Variants in NRG3 observed in about 807,000 individuals in gnomAD.
NRG3 encodes pro-neuregulin-3, membrane-bound isoform.
In NRG3, 31 loss-of-function variants were observed where a neutral mutation model predicts 66.9. The observed-to-expected ratio is 0.46, with a 90% CI of 0.35 to 0.63. NRG3 has a LOEUF of 0.63. Ranked by LOEUF, NRG3 falls within the 20% of genes least tolerant of loss-of-function variation. The pLI is 0.00. For synonymous variants in NRG3, 393 were observed against 359.4 expected, an observed-to-expected ratio of 1.09 and a Z score of -1.06; for missense variants, 910 against 878.9, an observed-to-expected ratio of 1.04 and a Z score of -0.45.
intron 3 of NRG3, among the ~76,000 whole-genome samples, chr10:82,833,831 C>A (rs188484464): frequency 1.3e-5 from 2 of 152,186 alleles, no homozygotes; most frequent in Admixed American, 1.3e-4. Flanking sequence ...AAAGAGTGAG[C>A]AGCTGAAATT....
intron 2 of NRG3, among the ~76,000 whole-genome samples, chr10:82,565,396 A>G (rs2045334755): frequency 6.6e-6 from 1 of 152,082 alleles, no homozygotes; most frequent in African/African-American, 2.4e-5. Flanking sequence ...TTAATAGATA[A>G]TTGGAAAAAT....
chr10:82,019,735 A>G (rs1368768208), intron 1 of NRG3, among the ~76,000 whole-genome samples: 3 of 152,066 alleles, frequency 2.0e-5, no homozygotes, highest in African/African-American at 7.2e-5. Context: ...AGAGGTGTTT[A>G]TAGTATTCTC....
chr10:82,083,684 TC>T (rs2065535351), intron 1 of NRG3, among the ~76,000 whole-genome samples: 1 of 149,816 alleles, frequency 6.7e-6, no homozygotes, highest in South Asian at 2.2e-4. Context: ...AACCTCCACC[TC>T]CTAGGTTCGA....
chr10:82,544,962 G>A (rs2043794860), intron 2 of NRG3, among the ~76,000 whole-genome samples: 1 of 152,086 alleles, frequency 6.6e-6, no homozygotes, highest in Non-Finnish European at 1.5e-5. Context: ...TGCAGCAATC[G>A]AGGACTGTAT....
At chr10:81,925,381 A>G (rs1846665911) in intron 1 of NRG3, among the ~76,000 whole-genome samples, 1 of 152,204 alleles carries the variant, frequency 6.6e-6, no homozygotes, top group Non-Finnish European at 1.5e-5. Context: ...TTCCAAAGCA[A>G]GGGTTTGAAT....
In NRG3 at chr10:82,965,558, A is replaced by C. The variant is rs190854571; in HGVS notation, c.1284+6483A>C. ...TGAGACCAGCCTGCCCAACATGGTG[A>C]AACCTTGACCCTACTAAAAATCCAA... On this transcript the variant is annotated intron_variant, in intron 6 of 8. Transcript: ENST00000372141. 7.4e-4 allele frequency among the ~76,000 whole-genome samples: 112 copies of C among 152,254 alleles called. 1 individual carries two copies. Among genetic ancestry groups the C allele is most frequent in the African/African-American group, 2.4e-3 (101 of 41,556 alleles).
chr10:82,624,683 A>G (rs753151237), intron 2 of NRG3, among the ~76,000 whole-genome samples: 20 of 149,364 alleles, frequency 1.3e-4, no homozygotes, highest in Admixed American at 9.4e-4. Flanking sequence ...ACCATTAAAT[A>G]TATGTATACA....
intron 1 of NRG3, among the ~76,000 whole-genome samples, chr10:82,151,984 C>A (rs955323238): frequency 6.6e-6 from 1 of 152,248 alleles, no homozygotes; most frequent in South Asian, 2.1e-4. Context: ...ATATAAAATA[C>A]GTTAGCATAA....
At chr10:82,926,392 T>C (rs1437769573) in intron 4 of NRG3, among the ~76,000 whole-genome samples, 1 of 152,212 alleles carries the variant, frequency 6.6e-6, no homozygotes, top group Non-Finnish European at 1.5e-5. Context: ...TGCTATATTG[T>C]GATGAAGTTC....
chr10:82,401,923 T>C (rs2136061445), intron 2 of NRG3, among the ~76,000 whole-genome samples: 1 of 152,228 alleles, frequency 6.6e-6, no homozygotes, highest in Non-Finnish European at 1.5e-5. Flanking sequence ...GATGTTCTAT[T>C]GCTTTATTGG....
intron 1 of NRG3, among the ~76,000 whole-genome samples, chr10:82,083,751 T>C (rs1274916966): frequency 6.6e-6 from 1 of 151,508 alleles, no homozygotes; most frequent in Non-Finnish European, 1.5e-5. Context: ...TGCGCCACCA[T>C]GCCCGGCTAA....
chr10:81,932,244 A>T (rs1032066847), intron 1 of NRG3, among the ~76,000 whole-genome samples: 4 of 150,186 alleles, frequency 2.7e-5, no homozygotes, highest in African/African-American at 1.0e-4. Context: ...GAGAGGAGAG[A>T]GAGGAGAGAG....
chr10:82,209,478 C>T (rs1253707934), intron 1 of NRG3, among the ~76,000 whole-genome samples: 1 of 152,108 alleles, frequency 6.6e-6, no homozygotes, highest in Non-Finnish European at 1.5e-5. Context: ...GAATTATACA[C>T]TTTAAAGATT....
intron 1 of NRG3, among the ~76,000 whole-genome samples, chr10:82,278,576 A>C (rs1442230198): frequency 6.6e-6 from 1 of 152,120 alleles, no homozygotes; most frequent in Non-Finnish European, 1.5e-5. Context: ...AATTGAAAAA[A>C]GCTGAGTGAG....
At chr10:82,216,859 CT>C (rs1307538855) in intron 1 of NRG3, among the ~76,000 whole-genome samples, 1 of 151,818 alleles carries the variant, frequency 6.6e-6, no homozygotes, top group South Asian at 2.1e-4. Context: ...CGAGTTAATG[CT>C]TTTTTTAAAT....
intron 1 of NRG3, among the ~76,000 whole-genome samples, chr10:81,961,307 T>C (rs1850331335): frequency 1.3e-5 from 2 of 152,314 alleles, no homozygotes; most frequent in South Asian, 4.1e-4. Flanking sequence ...ACTCTGGCTT[T>C]GTGGATATGG....
chr10:82,436,403 C>G (rs1402344661), intron 2 of NRG3, among the ~76,000 whole-genome samples: 2 of 152,064 alleles, frequency 1.3e-5, no homozygotes, highest in African/African-American at 4.8e-5. Flanking sequence ...TTTCCTCTAT[C>G]CCTTTATTTT....
At chr10:82,757,713 A>C (rs183618391) in intron 3 of NRG3, among the ~76,000 whole-genome samples, 7 of 152,240 alleles carry the variant, frequency 4.6e-5, no homozygotes, top group Admixed American at 1.3e-4. Context: ...GGCCACAAGC[A>C]GGCATGCAGC....
At chr10:81,917,978 T>C (rs1845869573) in intron 1 of NRG3, among the ~76,000 whole-genome samples, 1 of 152,186 alleles carries the variant, frequency 6.6e-6, no homozygotes, top group South Asian at 2.1e-4. Flanking sequence ...CCATGGCTTG[T>C]GCATGAGGGA....
Sources: allele counts gnomAD v4.1 joint callset (sites outside exome capture counted in the v4.1 genomes callset), GRCh38; gene constraint gnomAD v4.1.1; transcripts MANE v1.5; gene names NCBI Gene and HGNC (gene_info 2026-07-23, HGNC 2026-07-21).